The following MIGA1 variants were observed in gnomAD, a reference collection of about 807,000 sequenced individuals.
MIGA1 encodes the protein mitoguardin 1.
A neutral mutation model predicts 82.0 loss-of-function variants in MIGA1; 58 were observed. The observed-to-expected ratio is 0.71, with a 90% CI of 0.57 to 0.88. The LOEUF is 0.88. MIGA1 is among the 40% of genes least tolerant of loss of function. The pLI, the probability that MIGA1 is intolerant of heterozygous loss-of-function variation, is 0.00. For synonymous variants in MIGA1, 249 were observed against 253.6 expected, an observed-to-expected ratio of 0.98 and a Z score of 0.17; for missense variants, 751 against 749.1, an observed-to-expected ratio of 1.00 and a Z score of -0.03.
intron 8 of MIGA1, 52 bp downstream of exon 8, chr1:77,843,459 C>A: frequency 7.3e-7 from 1 of 1,375,322 alleles, no homozygotes; most frequent in Non-Finnish European, 1.0e-6. Context: ...TTGGTGGAAA[C>A]AACAGTCTTG....
chr1:77,853,856 G>A (rs1469551075), intron 8 of MIGA1: 3 of 257,646 alleles, frequency 1.2e-5, no homozygotes, highest in South Asian at 5.2e-5. Context: ...TGGAGATAAA[G>A]TTACTTTCCC....
chr1:77,819,032 A>G (rs1221449055), intron 7 of MIGA1, among the ~76,000 whole-genome samples: 3 of 148,312 alleles, frequency 2.0e-5, no homozygotes, highest in Admixed American at 6.7e-5. Flanking sequence ...GTGAGCTGAG[A>G]TGGTGTCACT....
At chr1:77,807,180 C>T in intron 5 of MIGA1, 79 bp downstream of exon 5, 1 of 1,153,540 alleles carries the variant, frequency 8.7e-7, no homozygotes, top group Non-Finnish European at 1.2e-6. Flanking sequence ...TTTATTGAGA[C>T]AGACAGGGTC....
intron 14 of MIGA1, among the ~76,000 whole-genome samples, chr1:77,870,063 CG>C (rs1336594360): frequency 8.3e-6 from 1 of 120,182 alleles, no homozygotes; most frequent in African/African-American, 3.1e-5. Flanking sequence ...CCTCACCTCC[CG>C]GACTGGGCGG....
In MIGA1 at chr1:77,801,429, A is replaced by G; in HGVS notation, c.294A>G (p.Gly98=). The G allele has an allele frequency of 5.0e-6, 8 of 1,610,130 alleles. No individual in the cohort carries two copies. Among genetic ancestry groups the G allele is most frequent in the Non-Finnish European group, 5.9e-6 (7 of 1,179,328 alleles). ...CTCATCACTTTAAAAGAAAACGTGG[A>G]AAGAAGAAAGGAAAAATATTACCAT... Residue 98 remains glycine, a synonymous_variant, in exon 3 of 16, where the codon GGA becomes GGG. Coordinates refer to ENST00000370791, the MANE Select transcript of MIGA1 (RefSeq NM_198549.4).
At chr1:77,823,674 C>T (rs2101832857) in intron 7 of MIGA1, among the ~76,000 whole-genome samples, 1 of 152,322 alleles carries the variant, frequency 6.6e-6, no homozygotes, top group East Asian at 1.9e-4. Context: ...AAGCAATCCC[C>T]CTGCCTCAGC....
intron 12 of MIGA1, chr1:77,861,730 GA>G: frequency 6.4e-6 from 1 of 157,074 alleles, no homozygotes; most frequent in Non-Finnish European, 1.4e-5. Context: ...AGTATACTGA[GA>G]AAAATCAGAG....
At chr1:77,785,864 G>A (rs1682137721) in intron 2 of MIGA1, among the ~76,000 whole-genome samples, 1 of 152,118 alleles carries the variant, frequency 6.6e-6, no homozygotes, top group African/African-American at 2.4e-5. Flanking sequence ...CTATCATTCT[G>A]GGGTCTGGAG....
intron 7 of MIGA1, among the ~76,000 whole-genome samples, chr1:77,842,912 T>G (rs1684681813): frequency 6.6e-6 from 1 of 152,218 alleles, no homozygotes; most frequent in Non-Finnish European, 1.5e-5. Flanking sequence ...ATATAGTTGA[T>G]TTGAATGAAC....
chr1:77,787,261 T>C (rs1324426482), intron 2 of MIGA1, among the ~76,000 whole-genome samples: 1 of 152,186 alleles, frequency 6.6e-6, no homozygotes, highest in African/African-American at 2.4e-5. Context: ...AGCCAAACCA[T>C]ATCAAAGGTA....
intron 13 of MIGA1, among the ~76,000 whole-genome samples, chr1:77,864,283 T>C (rs1685580116): frequency 6.6e-6 from 1 of 151,248 alleles, no homozygotes; most frequent in African/African-American, 2.4e-5. Flanking sequence ...GGCAGGAGAA[T>C]TGCTTGAACC....
At chr1:77,784,022 G>A (rs1280118943) in intron 2 of MIGA1, among the ~76,000 whole-genome samples, 1 of 152,010 alleles carries the variant, frequency 6.6e-6, no homozygotes, top group Admixed American at 6.6e-5. Flanking sequence ...ATAATATTTC[G>A]TTGTGTGGAT....
intron 2 of MIGA1, among the ~76,000 whole-genome samples, chr1:77,786,774 TAGGA>T (rs1451436484): frequency 6.6e-6 from 1 of 152,236 alleles, no homozygotes; most frequent in Non-Finnish European, 1.5e-5. Flanking sequence ...AACAAGACTC[TAGGA>T]AGTTCCAAAC....
At chr1:77,834,927 T>C (rs1684372280) in intron 7 of MIGA1, among the ~76,000 whole-genome samples, 1 of 152,196 alleles carries the variant, frequency 6.6e-6, no homozygotes, top group African/African-American at 2.4e-5. Context: ...GTTGAGACAA[T>C]TGGCAGGCTT....
intron 5 of MIGA1, among the ~76,000 whole-genome samples, chr1:77,807,548 A>T (rs1327940657): frequency 1.3e-5 from 2 of 152,196 alleles, no homozygotes; most frequent in Non-Finnish European, 2.9e-5. Context: ...TCTAGTCTTC[A>T]TAACGTCATA....
chr1:77,792,540 G>T (rs1164888588), intron 2 of MIGA1, among the ~76,000 whole-genome samples: 2 of 152,110 alleles, frequency 1.3e-5, no homozygotes, highest in African/African-American at 2.4e-5. Flanking sequence ...TTTGTTTCAA[G>T]GTTACATCTT....
intron 1 of MIGA1, chr1:77,782,751 G>A (rs1681978742): frequency 1.5e-5 from 5 of 323,040 alleles, no homozygotes; most frequent in African/African-American, 2.3e-5. Context: ...GAGAATAAAT[G>A]CGTGAGTTCT....
At chr1:77,844,113 A>AAAAAAAAATATATATAT (rs1296124524) in intron 8 of MIGA1, among the ~76,000 whole-genome samples, 2 of 90,142 alleles carry the variant, frequency 2.2e-5, no homozygotes, top group African/African-American at 9.1e-5. Context: ...AAAAAAAAAA[A>AAAAAAAAATATATATAT]ATATATATAT....
chr1:77,871,110 AG>A (rs1685970681), intron 14 of MIGA1, among the ~76,000 whole-genome samples: 1 of 13,046 alleles, frequency 7.7e-5, no homozygotes, highest in Admixed American at 9.7e-4. Flanking sequence ...AGGGAGAGGG[AG>A]AGGGAGAGGG....
Sources: allele counts gnomAD v4.1 joint callset (sites outside exome capture counted in the v4.1 genomes callset), GRCh38; gene constraint gnomAD v4.1.1; transcripts MANE v1.5; gene names NCBI Gene and HGNC (gene_info 2026-07-23, HGNC 2026-07-21).